Variants in CSMD1 observed in about 807,000 individuals in gnomAD.
The protein encoded by CSMD1 is CUB and Sushi multiple domains 1.
Under a neutral mutation model 417.5 loss-of-function variants are expected in CSMD1, and 213 were observed. The ratio of observed to expected loss-of-function variants is 0.51; its 90% CI spans 0.46 to 0.57. CSMD1 has a LOEUF of 0.57. Ranked by LOEUF, CSMD1 falls within the 20% of genes least tolerant of loss-of-function variation. The pLI, the probability that CSMD1 is intolerant of heterozygous loss-of-function variation, is 0.00. For missense variants in CSMD1, 6,923 were observed against 4,529.7 expected, an observed-to-expected ratio of 1.53 and a Z score of -15.17; for synonymous variants, 2,862 against 1,736.8, an observed-to-expected ratio of 1.65 and a Z score of -16.11.
At chr8:3,522,774 G>A (rs527491421) in intron 10 of CSMD1, among the ~76,000 whole-genome samples, 3 of 151,714 alleles carry the variant, frequency 2.0e-5, no homozygotes, top group South Asian at 2.1e-4. Flanking sequence ...ACAATGCCCA[G>A]GGAACCCAAC....
At chr8:4,812,440 G>A (rs1798961580) in intron 1 of CSMD1, among the ~76,000 whole-genome samples, 1 of 152,140 alleles carries the variant, frequency 6.6e-6, no homozygotes, top group Admixed American at 6.6e-5. Flanking sequence ...TAGGTAAAAA[G>A]AGTACTTGAA....
At chr8:3,899,609 A>G (rs536749543) in intron 5 of CSMD1, among the ~76,000 whole-genome samples, 85 of 152,338 alleles carry the variant, frequency 5.6e-4, no homozygotes, top group African/African-American at 1.9e-3. Context: ...TAGCTCCAAC[A>G]TAAGTATGTA....
rs7001803 is a variant in CSMD1, at chr8:4,837,077, G to C, written c.85+157255C>G. On this transcript the variant is annotated intron_variant, in intron 1 of 69. Transcript: ENST00000635120. ...ATAAGACAGGGCTCTGGGACAGAAA[G>C]AAGTGGTAATTAATGAGGGCTTCAC... Among the ~76,000 whole-genome samples the C allele has an allele frequency of 1.4e-4, 22 of 152,032 alleles. No individual in the cohort carries two copies. The East Asian group carries it at 4.3e-3, about 30-fold the overall frequency.
chr8:4,559,147 T>A (rs532926999), intron 2 of CSMD1, among the ~76,000 whole-genome samples: 1 of 152,324 alleles, frequency 6.6e-6, no homozygotes, highest in South Asian at 2.1e-4. Flanking sequence ...TTGCTTGGAA[T>A]CAAGATCTGG....
At position 2,950,305 on chromosome 8, in the gene CSMD1, C is replaced by G; in HGVS notation, c.10240G>C (p.Ala3414Pro). Reference sequence around the variant, plus strand: ...TCTGCCTGGCCTTTAATTTGAAAAGCTTTCAGGAGTAAGTGGGCCTCCTCC... The same window carrying G: ...TCTGCCTGGCCTTTAATTTGAAAAGGTTTCAGGAGTAAGTGGGCCTCCTCC... ...KKEEAHLLLKAFQIKGQADIF... is the reference protein window; with the variant it reads ...KKEEAHLLLKPFQIKGQADIF... The change falls in exon 67 of 70, where the codon GCT becomes CCT. Residue 3414 changes from alanine (A) to proline (P), a missense_variant. Physicochemically the swap from Ala to Pro is conservative, Grantham distance 27. Transcript: ENST00000635120. The G allele has an allele frequency of 6.2e-7, 1 of 1,613,494 alleles. No homozygotes were observed.
At chr8:3,095,005 G>A (rs541102185) in intron 47 of CSMD1, among the ~76,000 whole-genome samples, 51 of 152,096 alleles carry the variant, frequency 3.4e-4, no homozygotes, top group Admixed American at 1.1e-3. Flanking sequence ...TGTCTCTAAC[G>A]TATTTTACCT....
In CSMD1 at chr8:3,616,775, C is replaced by A. The variant is rs1672922688; in HGVS notation, c.1032G>T (p.Leu344Phe). Residue 344 changes from leucine (L) to phenylalanine (F), a missense_variant, in exon 8 of 70, where the codon TTG (leucine) becomes TTT (phenylalanine). Transcript: ENST00000635120. ...CAGGATCTGGACACATGTCAGAGAC[C>A]AATGCAACACCTCCTTGGCTCACTG... is the stretch of plus-strand genomic sequence containing the variant. ...NSVLSQGGVA[L>F]VSDMCPDPGI... 5 of 1,611,780 alleles carry A rather than the reference C, an allele frequency of 3.1e-6. No homozygotes were observed. Among genetic ancestry groups the A allele is most frequent in the Middle Eastern group, 1.7e-4 (1 of 6,054 alleles).
intron 25 of CSMD1, among the ~76,000 whole-genome samples, chr8:3,305,648 T>TGTTAGTAA (rs1804776762): frequency 6.6e-6 from 1 of 152,174 alleles, no homozygotes; most frequent in African/African-American, 2.4e-5. Flanking sequence ...CCTCCAGAAC[T>TGTTAGTAA]GTTAAGAAAC....
intron 3 of CSMD1, among the ~76,000 whole-genome samples, chr8:4,214,490 G>C (rs1272073514): frequency 6.6e-6 from 1 of 152,128 alleles, no homozygotes; most frequent in East Asian, 1.9e-4. Flanking sequence ...TAGTGAAAGG[G>C]TCTTCCTCTG....
intron 3 of CSMD1, among the ~76,000 whole-genome samples, chr8:4,240,911 G>C (rs148299997): frequency 6.6e-6 from 1 of 152,264 alleles, no homozygotes; most frequent in African/African-American, 2.4e-5. Context: ...AAAGAAAATA[G>C]TTTAAAATTA....
intron 3 of CSMD1, among the ~76,000 whole-genome samples, chr8:4,071,411 T>C (rs894384175): frequency 3.9e-5 from 6 of 152,140 alleles, no homozygotes; most frequent in African/African-American, 1.2e-4. Context: ...AAAAAAATTG[T>C]AGTTTAGATA....
chr8:4,247,223 C>G (rs1394486), intron 3 of CSMD1, among the ~76,000 whole-genome samples: 81,686 of 151,954 alleles, frequency 0.54, 23,065 homozygotes, highest in Middle Eastern at 0.7. Flanking sequence ...CCTGGAACAG[C>G]GAGAAAGGGA....
At chr8:4,754,544 G>GT (rs34906339) in intron 1 of CSMD1, among the ~76,000 whole-genome samples, 46,434 of 145,204 alleles carry the variant, frequency 0.32, 7,753 homozygotes, top group African/African-American at 0.44. Context: ...TGCACACTTT[G>GT]TTTTTTTTTT....
At chr8:3,942,534 G>A (rs944956578) in intron 5 of CSMD1, among the ~76,000 whole-genome samples, 9 of 152,074 alleles carry the variant, frequency 5.9e-5, no homozygotes, top group African/African-American at 1.4e-4. Context: ...GGAGGACACC[G>A]GTGCATGAGG....
chr8:4,963,575 T>A (rs1809661248), intron 1 of CSMD1, among the ~76,000 whole-genome samples: 1 of 152,208 alleles, frequency 6.6e-6, no homozygotes, highest in South Asian at 2.1e-4. Context: ...TTGGTCTTTG[T>A]GTGTTTATAC....
chr8:4,269,960 C>G (rs746635296), intron 3 of CSMD1, among the ~76,000 whole-genome samples: 11 of 152,306 alleles, frequency 7.2e-5, no homozygotes, highest in Non-Finnish European at 1.2e-4. Context: ...CACGACCTCT[C>G]TGAGGCACAG....
At chr8:3,607,563 C>T (rs1584953512) in intron 8 of CSMD1, among the ~76,000 whole-genome samples, 1 of 152,144 alleles carries the variant, frequency 6.6e-6, no homozygotes. Context: ...CTGCTCTGTG[C>T]TGGGAGGGAG....
chr8:3,467,271 G>A (rs1416826217), intron 12 of CSMD1, among the ~76,000 whole-genome samples: 1 of 152,180 alleles, frequency 6.6e-6, no homozygotes, highest in African/African-American at 2.4e-5. Context: ...CTCATGATGT[G>A]TATCTCAATG....
intron 3 of CSMD1, among the ~76,000 whole-genome samples, chr8:4,394,537 T>C (rs1455000605): frequency 6.6e-6 from 1 of 152,190 alleles, no homozygotes; most frequent in Non-Finnish European, 1.5e-5. Flanking sequence ...CAGCCTAAAC[T>C]CATTGCTTTG....
Sources: gnomAD v4.1 joint callset for allele counts (sites outside exome capture counted in the v4.1 genomes callset) on GRCh38, gnomAD v4.1.1 for gene constraint, MANE v1.5 for transcripts, NCBI Gene and HGNC (gene_info 2026-07-23, HGNC 2026-07-21) for gene names.